The following NKAIN2 variants were observed in gnomAD, a reference collection of about 807,000 sequenced individuals.
NKAIN2 encodes sodium/potassium transporting ATPase interacting 2, also known as sodium/potassium-transporting ATPase subunit beta-1-interacting protein 2.
A neutral mutation model predicts 32.6 loss-of-function variants in NKAIN2; 14 were observed. The ratio of observed to expected loss-of-function variants is 0.43; its 90% confidence interval spans 0.28 to 0.67. The LOEUF (loss-of-function observed/expected upper bound fraction) is 0.67. Ranked by LOEUF, NKAIN2 falls within the 30% of genes least tolerant of loss-of-function variation. The pLI is 0.17. For missense variants in NKAIN2, 198 were observed against 258.3 expected, an observed-to-expected ratio of 0.77 and a Z score of 1.60; for synonymous variants, 80 against 87.2, an observed-to-expected ratio of 0.92 and a Z score of 0.46.
intron 4 of NKAIN2, among the ~76,000 whole-genome samples, chr6:124,714,758 A>G (rs1404148744): frequency 6.6e-6 from 1 of 152,196 alleles, no homozygotes; most frequent in East Asian, 1.9e-4. Context: ...TGGAAGGGCT[A>G]TTCCCTTCTG....
intron 4 of NKAIN2, among the ~76,000 whole-genome samples, chr6:124,676,048 T>C (rs965759533): frequency 7.2e-5 from 11 of 152,174 alleles, no homozygotes; most frequent in African/African-American, 2.7e-4. Context: ...TCTCAAAACA[T>C]TTTATAATTT....
At chr6:124,468,764 C>A (rs1186967952) in intron 3 of NKAIN2, among the ~76,000 whole-genome samples, 1 of 152,108 alleles carries the variant, frequency 6.6e-6, no homozygotes, top group African/African-American at 2.4e-5. Context: ...GTTGCTGTTG[C>A]AGAGTGGAGC....
At position 124,226,581 on chromosome 6, in the gene NKAIN2, A is replaced by G. The variant is rs184395113; in HGVS notation, c.55-56424A>G. On this transcript the variant is annotated intron_variant, in intron 1 of 6. Coordinates refer to ENST00000368417, the MANE Select transcript of NKAIN2 (RefSeq NM_001040214.3). ...TAAATCTTGGCCATGTTGTTTTGAG[A>G]CTCTGATTATTTTCTCTTCCTCCCC... Among the ~76,000 whole-genome samples, 308 of 151,338 alleles carry G rather than the reference A, an allele frequency of 2.0e-3. 1 individual carries two copies. The highest frequency in any genetic ancestry group is 6.2e-3 in the African/African-American group (256 of 41,276).
At chr6:123,864,642 T>A (rs1034177137) in intron 1 of NKAIN2, among the ~76,000 whole-genome samples, 8 of 152,118 alleles carry the variant, frequency 5.3e-5, no homozygotes, top group Admixed American at 3.3e-4. Flanking sequence ...GAGGGAACCA[T>A]GTAGATAACT....
At chr6:124,200,516 C>T (rs1200304288) in intron 1 of NKAIN2, among the ~76,000 whole-genome samples, 5 of 152,086 alleles carry the variant, frequency 3.3e-5, no homozygotes, top group Non-Finnish European at 1.5e-5. Flanking sequence ...AAATGCATTT[C>T]TGAAACAAGT....
At chr6:124,397,779 A>G (rs1773448977) in intron 3 of NKAIN2, among the ~76,000 whole-genome samples, 1 of 152,186 alleles carries the variant, frequency 6.6e-6, no homozygotes, top group South Asian at 2.1e-4. Flanking sequence ...GCTCAGGAAG[A>G]TTAACGAATT....
intron 3 of NKAIN2, among the ~76,000 whole-genome samples, chr6:124,399,716 A>C (rs1204253999): frequency 6.6e-6 from 1 of 152,236 alleles, no homozygotes; most frequent in Non-Finnish European, 1.5e-5. Context: ...CAGAGGATAG[A>C]ATTAAAAGAA....
intron 1 of NKAIN2, among the ~76,000 whole-genome samples, chr6:124,120,422 T>C (rs1785824067): frequency 6.6e-6 from 1 of 152,154 alleles, no homozygotes; most frequent in Non-Finnish European, 1.5e-5. Context: ...ATACTTAAGA[T>C]TTATTGAAAA....
intron 1 of NKAIN2, among the ~76,000 whole-genome samples, chr6:124,073,609 CTT>C (rs1204138320): frequency 6.6e-6 from 1 of 152,052 alleles, no homozygotes; most frequent in African/African-American, 2.4e-5. Context: ...TATTTGGACA[CTT>C]ATATTTTAAA....
At chr6:124,106,465 A>G (rs1785125722) in intron 1 of NKAIN2, among the ~76,000 whole-genome samples, 1 of 152,196 alleles carries the variant, frequency 6.6e-6, no homozygotes, top group African/African-American at 2.4e-5. Flanking sequence ...AGATTAATTC[A>G]CTTAATGGTA....
intron 1 of NKAIN2, among the ~76,000 whole-genome samples, chr6:124,010,610 T>C (rs1333121968): frequency 6.6e-6 from 1 of 151,402 alleles, no homozygotes; most frequent in East Asian, 1.9e-4. Flanking sequence ...GGGTAAGTAC[T>C]TAACCTTTCT....
At chr6:123,951,160 G>A (rs1777307833) in intron 1 of NKAIN2, among the ~76,000 whole-genome samples, 1 of 151,944 alleles carries the variant, frequency 6.6e-6, no homozygotes, top group African/African-American at 2.4e-5. Context: ...CATTTGTTAA[G>A]AATTGTTCTG....
At chr6:124,498,281 C>T (rs1383190253) in intron 3 of NKAIN2, among the ~76,000 whole-genome samples, 5 of 152,014 alleles carry the variant, frequency 3.3e-5, no homozygotes, top group African/African-American at 4.8e-5. Context: ...GCAAGCAGAT[C>T]GGATTTTATT....
At chr6:123,895,306 G>GT (rs1473433868) in intron 1 of NKAIN2, among the ~76,000 whole-genome samples, 3 of 151,976 alleles carry the variant, frequency 2.0e-5, no homozygotes, top group Admixed American at 6.6e-5. Context: ...AGATTTCATT[G>GT]TTTTTTTACT....
At chr6:124,264,208 A>T (rs905286094) in intron 1 of NKAIN2, among the ~76,000 whole-genome samples, 5 of 152,148 alleles carry the variant, frequency 3.3e-5, no homozygotes, top group Admixed American at 6.6e-5. Flanking sequence ...ATTATTCAAT[A>T]TTTATTTAGT....
At chr6:124,306,120 T>C (rs372620634) in intron 2 of NKAIN2, among the ~76,000 whole-genome samples, 7 of 152,296 alleles carry the variant, frequency 4.6e-5, no homozygotes, top group Middle Eastern at 3.4e-3. Flanking sequence ...TGAAATAGAT[T>C]ATTAAATGTT....
chr6:124,150,907 T>C (rs1787682706), intron 1 of NKAIN2, among the ~76,000 whole-genome samples: 1 of 152,162 alleles, frequency 6.6e-6, no homozygotes, highest in Admixed American at 6.6e-5. Context: ...ATATGTATAA[T>C]AGTGAATGAA....
At chr6:124,398,194 A>T (rs927073822) in intron 3 of NKAIN2, among the ~76,000 whole-genome samples, 6 of 137,514 alleles carry the variant, frequency 4.4e-5, no homozygotes, top group Non-Finnish European at 9.2e-5. Context: ...CGGAGCTTGC[A>T]GTGAGCCGAG....
At chr6:123,875,668 C>G (rs1773137405) in intron 1 of NKAIN2, among the ~76,000 whole-genome samples, 1 of 151,782 alleles carries the variant, frequency 6.6e-6, no homozygotes, top group Non-Finnish European at 1.5e-5. Flanking sequence ...TTTGCCTTTT[C>G]TTTTGTAGTT....
Sources: allele counts gnomAD v4.1 joint callset (sites outside exome capture counted in the v4.1 genomes callset), GRCh38; gene constraint gnomAD v4.1.1; transcripts MANE v1.5; gene names NCBI Gene and HGNC (gene_info 2026-07-23, HGNC 2026-07-21).